The following SLC25A37 variants were observed in gnomAD, a reference collection of about 807,000 sequenced individuals.
SLC25A37 encodes solute carrier family 25 member 37.
SLC25A37 carries 17 observed loss-of-function variants against 31.0 expected under a neutral mutation model. The observed-to-expected ratio is 0.55, with a 90% CI of 0.38 to 0.82. The LOEUF is 0.82. Among genes scored for constraint, SLC25A37 ranks in the 40% least tolerant of loss-of-function variants. The pLI is 0.00. For missense variants in SLC25A37, 404 were observed against 465.8 expected (o/e 0.87, Z 1.22); for synonymous variants, 222 against 193.0 (o/e 1.15, Z -1.24).
At chr8:23,559,649 G>C (rs537798261) in intron 1 of SLC25A37, among the ~76,000 whole-genome samples, 1 of 151,940 alleles carries the variant, frequency 6.6e-6, no homozygotes, top group African/African-American at 2.4e-5. Context: ...AGAACTCTCC[G>C]TCCTGTTCCC....
intron 1 of SLC25A37, among the ~76,000 whole-genome samples, chr8:23,558,111 C>T (rs1204230165): frequency 6.6e-6 from 1 of 152,212 alleles, no homozygotes; most frequent in Non-Finnish European, 1.5e-5. Flanking sequence ...ACATGATCGT[C>T]TCCTCAGTCC....
chr8:23,569,838 C>T (rs1056859863), intron 3 of SLC25A37, among the ~76,000 whole-genome samples: 3 of 152,350 alleles, frequency 2.0e-5, no homozygotes, highest in African/African-American at 7.2e-5. Context: ...GGGTCATTCT[C>T]TACCTGGCGA....
Position 23,572,004 on chromosome 8 carries a change from CA to C in SLC25A37, c.*150del. 2 of 845,484 alleles carry C rather than the reference CA, an allele frequency of 2.4e-6. No individual in the cohort carries two copies. Among genetic ancestry groups the C allele is most frequent in the Non-Finnish European group, 1.8e-6 (1 of 552,880 alleles). 52.4% of individuals were successfully genotyped at this position (845,484 alleles called of 1,614,324 possible). The stretch of plus-strand genomic sequence containing the variant: ...ATGCCTTAGAGAGAGGAGGGGACGG[CA>C]CGGCCGCTCACCGGAAGGCTGTGTG... On this transcript the variant is annotated 3_prime_UTR_variant, in exon 4 of 4. Coordinates refer to ENST00000519973, the MANE Select transcript of SLC25A37 (RefSeq NM_016612.4).
intron 1 of SLC25A37, among the ~76,000 whole-genome samples, chr8:23,544,325 G>T (rs1801978762): frequency 6.6e-6 from 1 of 152,120 alleles, no homozygotes; most frequent in African/African-American, 2.4e-5. Context: ...CTCTCAATTT[G>T]TGTAAGTACA....
intron 1 of SLC25A37, among the ~76,000 whole-genome samples, chr8:23,540,299 TG>T (rs986029525): frequency 2.0e-4 from 31 of 152,164 alleles, no homozygotes; most frequent in Non-Finnish European, 2.2e-4. Flanking sequence ...AGTAGGATGT[TG>T]GATGCAGACT....
chr8:23,532,387 G>T (rs557255385), intron 1 of SLC25A37, among the ~76,000 whole-genome samples: 6 of 152,288 alleles, frequency 3.9e-5, no homozygotes, highest in Non-Finnish European at 7.4e-5. Context: ...CTGGTGGCAG[G>T]TTTTCCATGA....
intron 3 of SLC25A37, among the ~76,000 whole-genome samples, 192 bp from the exon 4 acceptor site, chr8:23,571,143 C>G (rs553041568): frequency 9.2e-5 from 14 of 152,212 alleles, no homozygotes; most frequent in Non-Finnish European, 1.6e-4. Flanking sequence ...GGATTTTAAC[C>G]TAGGACTGCC....
At chr8:23,553,104 G>C (rs531297697) in intron 1 of SLC25A37, among the ~76,000 whole-genome samples, 9 of 152,310 alleles carry the variant, frequency 5.9e-5, no homozygotes, top group Non-Finnish European at 1.2e-4. Flanking sequence ...TGACGCTTCA[G>C]TGAGTGTGTC....
intron 1 of SLC25A37, among the ~76,000 whole-genome samples, chr8:23,549,847 G>T (rs1412168133): frequency 1.4e-5 from 2 of 138,242 alleles, no homozygotes. Flanking sequence ...GTTAACCTGT[G>T]GGGTGGGCCC....
chr8:23,563,065 G>T (rs1802558441), intron 1 of SLC25A37, among the ~76,000 whole-genome samples: 1 of 152,210 alleles, frequency 6.6e-6, no homozygotes, highest in Non-Finnish European at 1.5e-5. Context: ...AGCCACTCGG[G>T]AGCTGAATGA....
At chr8:23,562,862 C>A (rs1802552515) in intron 1 of SLC25A37, among the ~76,000 whole-genome samples, 2 of 152,154 alleles carry the variant, frequency 1.3e-5, no homozygotes, top group Non-Finnish European at 2.9e-5. Flanking sequence ...TTCTTGACAG[C>A]CACATTGTAC....
intron 1 of SLC25A37, among the ~76,000 whole-genome samples, chr8:23,549,710 C>CGTTTCTCTGACCTTTCATGGGAGTCACA (rs763625263): frequency 7.1e-6 from 1 of 141,064 alleles, no homozygotes; most frequent in African/African-American, 3.0e-5. Context: ...TGGTTAGTCA[C>CGTTTCTCTGACCTTTCATGGGAGTCACA]TATCAAGTTA....
Position 23,568,392 on chromosome 8 carries a change from GT to G in SLC25A37, c.496+15del. 6.2e-7 allele frequency: 1 copy of G among 1,613,892 alleles called. No homozygotes were observed. On this transcript the variant is annotated intron_variant, in intron 3 of 3. Coordinates refer to ENST00000519973, the MANE Select transcript of SLC25A37 (RefSeq NM_016612.4). ...ATCCAGCAGAAGGTAATGTTTCATG[GT>G]CCCAGGGAGGGGCAGTAGGGGATGT...
In SLC25A37 at chr8:23,528,991, C is replaced by T. The variant is rs1801600930; in HGVS notation, c.-12C>T. On this transcript the variant is annotated 5_prime_UTR_variant, in exon 1 of 4. Coordinates refer to ENST00000519973, the MANE Select transcript of SLC25A37 (RefSeq NM_016612.4). ...ACCTCCTGCAGCCTCCTGCGCCCCG[C>T]CGAGCTGGCGGATGGAGCTGCGCAG... is the stretch of plus-strand genomic sequence containing the variant. 2.7e-6 allele frequency: 4 copies of T among 1,486,378 alleles called. No individual in the cohort carries two copies. Among genetic ancestry groups the T allele is most frequent in the Non-Finnish European group, 3.6e-6 (4 of 1,116,100 alleles). 92.1% of individuals were successfully genotyped at this position (1,486,378 alleles called of 1,614,324 possible). A position where few individuals can be genotyped will look rare whatever the true frequency, so the allele number is the denominator to read the frequency against.
intron 1 of SLC25A37, among the ~76,000 whole-genome samples, chr8:23,556,558 A>G (rs1424826732): frequency 6.6e-6 from 1 of 151,582 alleles, no homozygotes; most frequent in Non-Finnish European, 1.5e-5. Flanking sequence ...ACATACATAT[A>G]TGTATATGTA....
At chr8:23,556,742 G>A (rs1802376933) in intron 1 of SLC25A37, among the ~76,000 whole-genome samples, 1 of 152,070 alleles carries the variant, frequency 6.6e-6, no homozygotes, top group African/African-American at 2.4e-5. Flanking sequence ...CTTCAACTTA[G>A]GGATAAAGTT....
chr8:23,557,100 C>T (rs1802387633), intron 1 of SLC25A37, among the ~76,000 whole-genome samples: 1 of 152,206 alleles, frequency 6.6e-6, no homozygotes, highest in Admixed American at 6.5e-5. Context: ...ATCTGCCCGC[C>T]TCGGCCTCCC....
Position 23,571,828 on chromosome 8 carries a change from C to G in SLC25A37, c.990C>G (p.Arg330=), listed in dbSNP as rs1253867599. Residue 330 remains arginine, a synonymous_variant, in exon 4 of 4, where the codon CGC becomes CGG. Coordinates refer to ENST00000519973, the MANE Select transcript of SLC25A37 (RefSeq NM_016612.4). ...YEFFKYFLTK[R]QLENRAPY is the part of the protein sequence containing the mutation. The stretch of plus-strand genomic sequence containing the variant: ...TCTTCAAGTACTTTCTCACCAAGCG[C>G]CAGCTGGAAAATCGAGCTCCATACT... The G allele has an allele frequency of 1.9e-6, 3 of 1,611,512 alleles. No homozygotes were observed. Among genetic ancestry groups the G allele is most frequent in the Non-Finnish European group, 1.7e-6 (2 of 1,177,794 alleles).
intron 1 of SLC25A37, chr8:23,541,396 G>C (rs912303708): frequency 6.6e-6 from 1 of 152,374 alleles, no homozygotes; most frequent in East Asian, 1.9e-4. Context: ...AATGATCCCG[G>C]AAGAATGACT....
Sources: gnomAD v4.1 joint callset for allele counts (sites outside exome capture counted in the v4.1 genomes callset) on GRCh38, gnomAD v4.1.1 for gene constraint, MANE v1.5 for transcripts, NCBI Gene and HGNC (gene_info 2026-07-23, HGNC 2026-07-21) for gene names.